ATP8A2: variants seen among roughly 807,000 people sequenced by gnomAD.
ATP8A2 encodes the protein phospholipid-transporting ATPase IB.
In ATP8A2, 100 loss-of-function variants were observed where a neutral mutation model predicts 165.6. That is an observed-to-expected ratio of 0.60 (90% CI 0.51 to 0.71). The LOEUF (loss-of-function observed/expected upper bound fraction) is 0.71, where lower values mean the gene tolerates loss of function less well. ATP8A2 is among the 30% of genes least tolerant of loss of function. ATP8A2 has a pLI of 0.00. For synonymous variants in ATP8A2, 543 were observed against 548.8 expected (o/e 0.99, Z 0.15); for missense variants, 1,227 against 1,479.5 (o/e 0.83, Z 2.80).
At chr13:25,810,477 C>G (rs1167127664) in intron 27 of ATP8A2, among the ~76,000 whole-genome samples, 2 of 151,238 alleles carry the variant, frequency 1.3e-5, no homozygotes, top group South Asian at 2.1e-4. Context: ...GGGCCCAGCC[C>G]CAATTTAAAC....
chr13:25,812,946 G>A (rs1233198233), intron 27 of ATP8A2, among the ~76,000 whole-genome samples: 2 of 152,112 alleles, frequency 1.3e-5, no homozygotes, highest in Admixed American at 1.3e-4. Context: ...GGATGGAACT[G>A]GAAGCCATTA....
At chr13:25,679,742 C>A (rs984370508) in intron 24 of ATP8A2, among the ~76,000 whole-genome samples, 24 of 152,126 alleles carry the variant, frequency 1.6e-4, no homozygotes, top group African/African-American at 5.6e-4. Context: ...TCTGGAGAGG[C>A]CTGGGCGAAG....
chr13:25,545,943 T>G (rs1285231764), intron 10 of ATP8A2, among the ~76,000 whole-genome samples: 1 of 152,202 alleles, frequency 6.6e-6, no homozygotes, highest in African/African-American at 2.4e-5. Flanking sequence ...CCTACTTCTG[T>G]TTTTTATGAT....
At chr13:25,485,932 C>T (rs969264725) in intron 2 of ATP8A2, among the ~76,000 whole-genome samples, 15 of 151,804 alleles carry the variant, frequency 9.9e-5, no homozygotes, top group Admixed American at 9.8e-4. Flanking sequence ...CAACATTGCT[C>T]CTATACTCAA....
intron 2 of ATP8A2, among the ~76,000 whole-genome samples, chr13:25,490,744 T>C (rs1314069773): frequency 1.3e-5 from 2 of 151,806 alleles, no homozygotes; most frequent in East Asian, 3.9e-4. Flanking sequence ...TTTGTTTGTT[T>C]GTTTGTTTGT....
chr13:25,536,949 G>A (rs758364961), intron 6 of ATP8A2, among the ~76,000 whole-genome samples: 2 of 152,192 alleles, frequency 1.3e-5, no homozygotes, highest in Non-Finnish European at 2.9e-5. Context: ...ACGCTGGGGC[G>A]CTGGGAGGTG....
intron 33 of ATP8A2, among the ~76,000 whole-genome samples, chr13:25,934,374 C>T (rs1199750269): frequency 2.0e-5 from 3 of 152,184 alleles, no homozygotes; most frequent in Non-Finnish European, 2.9e-5. Flanking sequence ...AGTCTAGTGA[C>T]GAAGTGAGTA....
intron 24 of ATP8A2, among the ~76,000 whole-genome samples, chr13:25,649,424 G>A (rs1394545968): frequency 6.6e-6 from 1 of 152,064 alleles, no homozygotes; most frequent in East Asian, 1.9e-4. Flanking sequence ...TTGTGGGAGG[G>A]GCCTCAAAGT....
intron 2 of ATP8A2, among the ~76,000 whole-genome samples, chr13:25,492,696 C>T (rs998392130): frequency 3.9e-5 from 6 of 152,294 alleles, no homozygotes; most frequent in East Asian, 3.9e-4. Flanking sequence ...GAGTTTTCAA[C>T]GTTTCCCTCA....
At chr13:25,559,155 G>A in intron 14 of ATP8A2, 94 bp downstream of exon 14, 1 of 859,194 alleles carries the variant, frequency 1.2e-6, no homozygotes, top group Non-Finnish European at 1.9e-6. Flanking sequence ...TTGACTTTCT[G>A]ATGTTTTGAA....
At chr13:25,708,684 A>T (rs938464492) in intron 25 of ATP8A2, among the ~76,000 whole-genome samples, 2 of 152,208 alleles carry the variant, frequency 1.3e-5, no homozygotes, top group African/African-American at 4.8e-5. Flanking sequence ...GTGTAGCCAC[A>T]TCTACTACTA....
intron 6 of ATP8A2, among the ~76,000 whole-genome samples, chr13:25,535,186 G>A (rs1042007035): frequency 5.3e-5 from 8 of 152,172 alleles, no homozygotes; most frequent in African/African-American, 1.9e-4. Flanking sequence ...GTGAGGATGA[G>A]AATACAGGAG....
intron 33 of ATP8A2, among the ~76,000 whole-genome samples, chr13:25,872,298 G>T (rs1452448652): frequency 1.3e-5 from 2 of 152,122 alleles, no homozygotes; most frequent in African/African-American, 4.8e-5. Context: ...TAGGAGGACG[G>T]TGTCAGCCTG....
chr13:25,914,540 A>T (rs1377822334), intron 33 of ATP8A2, among the ~76,000 whole-genome samples: 1 of 152,190 alleles, frequency 6.6e-6, no homozygotes, highest in African/African-American at 2.4e-5. Context: ...TAACCTACAC[A>T]TCCATCTGTT....
intron 2 of ATP8A2, among the ~76,000 whole-genome samples, chr13:25,490,998 G>T (rs146155459): frequency 4.6e-4 from 70 of 152,012 alleles, no homozygotes; most frequent in African/African-American, 1.7e-3. Flanking sequence ...TCCCACCTCA[G>T]CCTCCCAAGT....
At chr13:25,672,057 C>T (rs946663370) in intron 24 of ATP8A2, among the ~76,000 whole-genome samples, 6 of 152,286 alleles carry the variant, frequency 3.9e-5, no homozygotes, top group Middle Eastern at 6.8e-3. Context: ...ACATGAATAT[C>T]GGGGCAGGTT....
chr13:25,381,623 G>C (rs2032839731), intron 1 of ATP8A2, among the ~76,000 whole-genome samples: 1 of 152,216 alleles, frequency 6.6e-6, no homozygotes, highest in African/African-American at 2.4e-5. Flanking sequence ...ACTATGTGAT[G>C]ATTAGTTGTC....
chr13:25,551,380 G>T lies in ATP8A2; in HGVS notation c.934G>T (p.Val312Leu). The T allele has an allele frequency of 6.2e-7, 1 of 1,614,116 alleles. No individual in the cohort carries two copies. The highest frequency in any genetic ancestry group is 8.5e-7 in the Non-Finnish European group (1 of 1,179,992). Reference protein sequence around the residue: ...APLKRSNVEKVTNVQILVLFG... With the variant: ...APLKRSNVEKLTNVQILVLFG... ...TCTCAAGAGATCAAATGTTGAGAAGGTGACTAACGTGCAGATCCTGGTGTT... is the reference window on the plus strand; with the variant it reads ...TCTCAAGAGATCAAATGTTGAGAAGTTGACTAACGTGCAGATCCTGGTGTT... Residue 312 changes from valine to leucine, a missense_variant, in exon 11 of 37, where the codon GTG becomes TTG. By Grantham distance (32) the Val-to-Leu change is conservative (BLOSUM62 1). Transcript: ENST00000381655.
chr13:25,545,506 C>G (rs935795181), intron 10 of ATP8A2, among the ~76,000 whole-genome samples: 1 of 145,192 alleles, frequency 6.9e-6, no homozygotes, highest in Non-Finnish European at 1.5e-5. Flanking sequence ...GACCCCATTT[C>G]AAAAAAAAAA....
Sources: gnomAD v4.1 joint callset for allele counts (sites outside exome capture counted in the v4.1 genomes callset) on GRCh38, gnomAD v4.1.1 for gene constraint, MANE v1.5 for transcripts, NCBI Gene and HGNC (gene_info 2026-07-23, HGNC 2026-07-21) for gene names.